Variants in NTM observed in about 807,000 individuals in gnomAD.
The protein encoded by NTM is IgLON family member 2.
In NTM, 13 loss-of-function variants were observed where a neutral mutation model predicts 42.1. The observed-to-expected ratio is 0.31, with a 90% CI of 0.20 to 0.49. The LOEUF is 0.49. NTM is among the 20% of genes least tolerant of loss of function. The pLI is 0.99. For synonymous variants in NTM, 187 were observed against 179.2 expected (o/e 1.04, Z -0.35); for missense variants, 373 against 452.8 (o/e 0.82, Z 1.60).
intron 1 of NTM, among the ~76,000 whole-genome samples, chr11:131,674,605 A>C (rs1028019561): frequency 2.6e-5 from 4 of 152,182 alleles, no homozygotes; most frequent in Non-Finnish European, 5.9e-5. Context: ...ATTCATTGCT[A>C]TGATTGTAGT....
chr11:132,058,098 T>C (rs144221158), intron 2 of NTM, among the ~76,000 whole-genome samples: 119 of 152,328 alleles, frequency 7.8e-4, no homozygotes, highest in East Asian at 4.8e-3. Flanking sequence ...AGTTGTTCTG[T>C]CTGTTGAGCC....
intron 4 of NTM, among the ~76,000 whole-genome samples, chr11:132,276,236 C>T (rs1046481363): frequency 1.3e-5 from 2 of 152,020 alleles, no homozygotes; most frequent in African/African-American, 2.4e-5. Flanking sequence ...TTTCTTTATT[C>T]ATCCATCGTT....
intron 1 of NTM, among the ~76,000 whole-genome samples, chr11:131,588,936 CAG>C (rs942747711): frequency 1.3e-5 from 2 of 152,158 alleles, no homozygotes; most frequent in African/African-American, 2.4e-5. Flanking sequence ...ATGGCATTAA[CAG>C]GTGTGGCTCA....
chr11:131,766,410 C>G (rs890792317), intron 1 of NTM, among the ~76,000 whole-genome samples: 1 of 152,056 alleles, frequency 6.6e-6, no homozygotes, highest in Non-Finnish European at 1.5e-5. Context: ...GAGGGCGATG[C>G]GACAGAATGG....
chr11:131,427,251 T>A (rs747414715), intron 1 of NTM, among the ~76,000 whole-genome samples: 1 of 152,070 alleles, frequency 6.6e-6, no homozygotes, highest in Non-Finnish European at 1.5e-5. Context: ...TTCCCTGAAG[T>A]GAACCCAAAT....
intron 2 of NTM, among the ~76,000 whole-genome samples, chr11:132,108,795 G>T (rs1591564439): frequency 6.6e-6 from 1 of 152,076 alleles, no homozygotes; most frequent in Non-Finnish European, 1.5e-5. Flanking sequence ...ATTGTGGTTT[G>T]CTGCACCCAT....
At chr11:131,514,605 G>T (rs1414231411) in intron 1 of NTM, among the ~76,000 whole-genome samples, 2 of 151,820 alleles carry the variant, frequency 1.3e-5, no homozygotes, top group Non-Finnish European at 2.9e-5. Context: ...TTTGAGACAG[G>T]GTCTCACTCT....
intron 4 of NTM, among the ~76,000 whole-genome samples, chr11:132,224,508 G>T (rs774967551): frequency 2.6e-5 from 4 of 152,176 alleles, no homozygotes; most frequent in Non-Finnish European, 4.4e-5. Context: ...GATGAGGTGT[G>T]TTGGTGTTAA....
intron 1 of NTM, chr11:131,538,211 T>A (rs1206139150): frequency 6.6e-6 from 1 of 152,172 alleles, no homozygotes; most frequent in Admixed American, 6.5e-5. Context: ...CCCCTGCAAT[T>A]CCAGCAATGC....
intron 1 of NTM, among the ~76,000 whole-genome samples, chr11:131,699,150 G>C (rs757283012): frequency 2.0e-5 from 3 of 152,172 alleles, no homozygotes; most frequent in Admixed American, 6.5e-5. Flanking sequence ...TCCCACATTG[G>C]ACAAGGAGGG....
intron 1 of NTM, among the ~76,000 whole-genome samples, chr11:131,476,180 T>C (rs1952920298): frequency 6.6e-6 from 1 of 152,216 alleles, no homozygotes; most frequent in South Asian, 2.1e-4. Flanking sequence ...CATTTTATGT[T>C]CTTGCCTAGG....
In NTM at chr11:132,315,866, G is replaced by A. The variant is rs995279954; in HGVS notation, c.934+1163G>A. On this transcript the variant is annotated intron_variant, in intron 7 of 8. Transcript: ENST00000683400. ...AGTGGCTTGGAATGGGCAGAGCTGT[G>A]ATTTGAGTGATTGATGTGTCTGGCA... Among the ~76,000 whole-genome samples, 4 of 152,182 alleles carry A rather than the reference G, an allele frequency of 2.6e-5. No homozygotes were observed. The East Asian group carries it at 7.7e-4, about 29-fold the overall frequency.
At chr11:131,425,363 GT>G (rs1948027104) in intron 1 of NTM, among the ~76,000 whole-genome samples, 1 of 152,162 alleles carries the variant, frequency 6.6e-6, no homozygotes, top group African/African-American at 2.4e-5. Flanking sequence ...CACCTAAACA[GT>G]TTGGCTTCAG....
intron 1 of NTM, among the ~76,000 whole-genome samples, chr11:131,483,966 T>G (rs528718359): frequency 1.3e-5 from 2 of 152,386 alleles, no homozygotes; most frequent in East Asian, 3.9e-4. Flanking sequence ...TATCATTTTT[T>G]TGTGTGTGAA....
chr11:132,016,199 A>T (rs772106371), intron 2 of NTM, among the ~76,000 whole-genome samples: 24 of 150,984 alleles, frequency 1.6e-4, no homozygotes, highest in Non-Finnish European at 3.0e-4. Flanking sequence ...TGTTGATGTG[A>T]TATATTGCAT....
At chr11:131,922,434 G>T (rs928944952) in intron 2 of NTM, among the ~76,000 whole-genome samples, 1 of 152,130 alleles carries the variant, frequency 6.6e-6, no homozygotes, top group African/African-American at 2.4e-5. Context: ...TACCCTTGAC[G>T]CAAGGCCCAC....
chr11:132,100,405 G>A (rs867026118), intron 2 of NTM, among the ~76,000 whole-genome samples: 4 of 152,264 alleles, frequency 2.6e-5, no homozygotes, highest in African/African-American at 7.2e-5. Flanking sequence ...CATCACACTG[G>A]GGGGACACAT....
intron 1 of NTM, among the ~76,000 whole-genome samples, chr11:131,863,653 C>A (rs2046861769): frequency 6.6e-6 from 1 of 152,184 alleles, no homozygotes; most frequent in Non-Finnish European, 1.5e-5. Flanking sequence ...ACATGGAAAG[C>A]TGAATACTGT....
chr11:132,176,857 T>C (rs1189269994), intron 3 of NTM, among the ~76,000 whole-genome samples: 2 of 149,556 alleles, frequency 1.3e-5, no homozygotes, highest in Non-Finnish European at 3.0e-5. Flanking sequence ...GCCTCCCAAG[T>C]AGCCGGGATT....
Sources: allele counts gnomAD v4.1 joint callset (sites outside exome capture counted in the v4.1 genomes callset), GRCh38; gene constraint gnomAD v4.1.1; transcripts MANE v1.5; gene names NCBI Gene and HGNC (gene_info 2026-07-23, HGNC 2026-07-21).